JAKMIP2: variants seen among roughly 807,000 people sequenced by gnomAD.
The protein encoded by JAKMIP2 is janus kinase and microtubule interacting protein 2, also known as janus kinase and microtubule-interacting protein 2.
JAKMIP2 carries 25 observed loss-of-function variants against 115.0 expected under a neutral mutation model. The ratio of observed to expected loss-of-function variants is 0.22; its 90% CI spans 0.16 to 0.30. The LOEUF (loss-of-function observed/expected upper bound fraction) is 0.30, where lower values mean the gene tolerates loss of function less well. Among genes scored for constraint, JAKMIP2 ranks in the 10% least tolerant of loss-of-function variants. JAKMIP2 has a pLI of 1.00. For synonymous variants in JAKMIP2, 334 were observed against 343.6 expected (o/e 0.97, Z 0.31); for missense variants, 642 against 957.6 (o/e 0.67, Z 4.35).
chr5:147,623,144 C>T (rs1030205274), intron 17 of JAKMIP2, among the ~76,000 whole-genome samples: 7 of 151,874 alleles, frequency 4.6e-5, no homozygotes, highest in East Asian at 3.9e-4. Context: ...CCAACTCTTG[C>T]GCTCAAGCAC....
At chr5:147,672,827 G>A (rs1759694323) in intron 1 of JAKMIP2, among the ~76,000 whole-genome samples, 1 of 152,168 alleles carries the variant, frequency 6.6e-6, no homozygotes, top group Non-Finnish European at 1.5e-5. Flanking sequence ...ACAACAGAGA[G>A]AAATCACAGT....
At chr5:147,660,339 A>T (rs1561520726) in intron 3 of JAKMIP2, 1 of 323,890 alleles carries the variant, frequency 3.1e-6, no homozygotes, top group Admixed American at 3.6e-5. Context: ...CTTAGGGATG[A>T]CATCCAATTT....
At chr5:147,683,694 T>C (rs938442311) in intron 1 of JAKMIP2, among the ~76,000 whole-genome samples, 1 of 152,204 alleles carries the variant, frequency 6.6e-6, no homozygotes, top group African/African-American at 2.4e-5. Flanking sequence ...GTCTTGAATT[T>C]TTTTAAAAAG....
chr5:147,739,503 C>T (rs1449906262), intron 1 of JAKMIP2, among the ~76,000 whole-genome samples: 1 of 152,028 alleles, frequency 6.6e-6, no homozygotes, highest in Non-Finnish European at 1.5e-5. Context: ...CAAACAGTGA[C>T]GTTGACTGGT....
At chr5:147,702,656 GAAAGAAAGAGAGAGAA>G (rs758517659) in intron 1 of JAKMIP2, among the ~76,000 whole-genome samples, 1,939 of 116,088 alleles carry the variant, frequency 0.017, 56 homozygotes, top group Admixed American at 0.048. Context: ...AAGAAAGAAA[GAAAGAAAGAGAGAGAA>G]AGAAAGAGAA....
chr5:147,604,878 A>C (rs1755913428), intron 20 of JAKMIP2, among the ~76,000 whole-genome samples: 1 of 151,226 alleles, frequency 6.6e-6, no homozygotes, highest in South Asian at 2.1e-4. Context: ...CAGAACGTGC[A>C]GGTTTGTTAC....
intron 9 of JAKMIP2, 150 bp downstream of exon 9, chr5:147,640,554 A>AT (rs1410374029): frequency 1.1e-5 from 8 of 716,912 alleles, no homozygotes; most frequent in Non-Finnish European, 1.8e-5. Context: ...TCAAGAGATA[A>AT]TAAAGTGCAG....
Position 147,633,975 on chromosome 5 carries a change from C to A in JAKMIP2, c.1678-1197G>T, listed in dbSNP as rs117328692. 6.4e-3 allele frequency among the ~76,000 whole-genome samples: 982 copies of A among 152,256 alleles called. 51 individuals are homozygous for A. The East Asian group carries it at 0.13, about 21-fold the overall frequency. ...AATGTGCTAGGATTACAGGCGTGAGCCATTGTGCCCGGCTGTCATCTTTGG... is the reference window on the plus strand; with the variant it reads ...AATGTGCTAGGATTACAGGCGTGAGACATTGTGCCCGGCTGTCATCTTTGG... On this transcript the variant is annotated intron_variant, in intron 12 of 21. Transcript: ENST00000616793.
intron 5 of JAKMIP2, among the ~76,000 whole-genome samples, chr5:147,645,899 A>G (rs1245527499): frequency 1.3e-5 from 2 of 152,184 alleles, no homozygotes; most frequent in East Asian, 3.8e-4. Flanking sequence ...GGGATTGTCA[A>G]TAGTCCTCCC....
chr5:147,688,287 A>G (rs1027393301), intron 1 of JAKMIP2, among the ~76,000 whole-genome samples: 1 of 152,276 alleles, frequency 6.6e-6, no homozygotes, highest in South Asian at 2.1e-4. Context: ...TAGAAATCCC[A>G]TTTTTTAGGG....
intron 2 of JAKMIP2, among the ~76,000 whole-genome samples, chr5:147,662,751 G>A (rs1427738334): frequency 6.6e-6 from 1 of 152,110 alleles, no homozygotes; most frequent in Non-Finnish European, 1.5e-5. Context: ...TTGGGAGGCC[G>A]AGGCGGATGG....
intron 1 of JAKMIP2, among the ~76,000 whole-genome samples, chr5:147,770,184 T>C (rs1030095109): frequency 6.6e-6 from 1 of 152,142 alleles, no homozygotes; most frequent in Non-Finnish European, 1.5e-5. Context: ...TAAACATTTT[T>C]CTACAACATA....
chr5:147,609,024 C>T (rs568450543), intron 20 of JAKMIP2, among the ~76,000 whole-genome samples: 153 of 145,638 alleles, frequency 1.1e-3, no homozygotes, highest in African/African-American at 3.4e-3. Flanking sequence ...TTTCCATTTG[C>T]TTGGTAAATC....
At chr5:147,684,518 T>C (rs1174157261) in intron 1 of JAKMIP2, among the ~76,000 whole-genome samples, 5 of 152,050 alleles carry the variant, frequency 3.3e-5, no homozygotes, top group Non-Finnish European at 4.4e-5. Context: ...ATAGGAGGGA[T>C]TGAGGAAAGT....
In JAKMIP2 at chr5:147,742,156, T is replaced by TA. The variant is rs1554084271; in HGVS notation, c.-149+40299_-149+40300insT. ...GTGGATCATTATATATATATATATA[T>TA]TTTTTTTACTATTGTATTGTATCTT... On this transcript the variant is annotated intron_variant, in intron 1 of 21. Coordinates refer to ENST00000616793, the MANE Select transcript of JAKMIP2 (RefSeq NM_001270941.2). Among the ~76,000 whole-genome samples, 549 of 84,030 alleles carry TA rather than the reference T, an allele frequency of 6.5e-3. 38 individuals carry two copies. Among genetic ancestry groups the TA allele is most frequent in the African/African-American group, 0.03 (477 of 15,832 alleles). 55.1% of individuals were successfully genotyped at this position (84,030 alleles called of 152,430 possible).
In JAKMIP2 at chr5:147,620,668, T is replaced by C. The variant is rs2126652999; in HGVS notation, c.2140A>G (p.Met714Val). 1 of 1,610,198 alleles carries C rather than the reference T, an allele frequency of 6.2e-7. No individual in the cohort carries two copies. Among genetic ancestry groups the C allele is most frequent in the East Asian group, 2.2e-5 (1 of 44,760 alleles). ...TCTCTATCACTTGTTGTACCTACCA[T>C]ATATGCTTGGTCAAGAGCTTGTTTT... ...YRKQALDQAY[M>V]RIQELEATLY... is the part of the protein sequence containing the mutation. The change falls in exon 18 of 22, where the codon ATG becomes GTG. Residue 714 changes from methionine (M) to valine (V), a missense_variant and splice_region_variant. By Grantham distance (21) the Met-to-Val change is conservative. This residue lies in a region of JAKMIP2 where 68 missense variants were observed against 104.6 expected (regional missense o/e 0.65). Coordinates refer to ENST00000616793, the MANE Select transcript of JAKMIP2 (RefSeq NM_001270941.2).
At chr5:147,644,717 G>C (rs966841098) in intron 6 of JAKMIP2, 133 bp downstream of exon 6, 8 of 749,136 alleles carry the variant, frequency 1.1e-5, no homozygotes, top group Non-Finnish European at 1.7e-5. Flanking sequence ...CTTCATTAAG[G>C]CTTCCTTGCT....
intron 1 of JAKMIP2, among the ~76,000 whole-genome samples, chr5:147,735,304 TG>T (rs1281658340): frequency 1.8e-4 from 27 of 152,174 alleles, no homozygotes; most frequent in African/African-American, 6.0e-4. Flanking sequence ...TGTTGCTTAT[TG>T]TATTAGTCTG....
intron 1 of JAKMIP2, among the ~76,000 whole-genome samples, chr5:147,697,390 T>A (rs1248981285): frequency 1.3e-5 from 2 of 152,184 alleles, no homozygotes; most frequent in African/African-American, 4.8e-5. Context: ...ATGTGGGAAT[T>A]CTGGGAGATA....
Sources: allele counts gnomAD v4.1 joint callset (sites outside exome capture counted in the v4.1 genomes callset), GRCh38; gene constraint gnomAD v4.1.1; regional missense constraint gnomAD v4.1.1; transcripts MANE v1.5; gene names NCBI Gene and HGNC (gene_info 2026-07-23, HGNC 2026-07-21).